Variants in SLC45A4 observed in about 807,000 individuals in gnomAD.
SLC45A4 encodes the protein polyamine-transporter SLC45A4.
In SLC45A4, 32 loss-of-function variants were observed where a neutral mutation model predicts 63.7. The observed-to-expected ratio is 0.50, with a 90% CI of 0.38 to 0.67. SLC45A4 has a LOEUF of 0.67. Among genes scored for constraint, SLC45A4 ranks in the 30% least tolerant of loss-of-function variants. The pLI is 0.00. For missense variants in SLC45A4, 1,027 were observed against 1,157.7 expected (o/e 0.89, Z 1.64); for synonymous variants, 535 against 510.0 (o/e 1.05, Z -0.66).
chr8:141,262,404 A>C (rs201529156), intron 1 of SLC45A4, among the ~76,000 whole-genome samples: 44,763 of 143,992 alleles, frequency 0.31, 6,581 homozygotes, highest in Admixed American at 0.39. Flanking sequence ...GCACAGCAAA[A>C]GAAACTACCA....
intron 3 of SLC45A4, 113 bp from the exon 4 acceptor site, chr8:141,219,942 T>C: frequency 3.9e-6 from 4 of 1,038,618 alleles, no homozygotes; most frequent in Non-Finnish European, 5.4e-6. Flanking sequence ...CACAAAACCA[T>C]GCCAGCCTTC....
intron 1 of SLC45A4, among the ~76,000 whole-genome samples, chr8:141,299,294 C>A (rs1046845587): frequency 4.6e-5 from 7 of 152,204 alleles, no homozygotes; most frequent in African/African-American, 1.7e-4. Flanking sequence ...AGAAAGCGGA[C>A]GGGGAGCCCC....
At chr8:141,275,150 G>A (rs1015996835) in intron 1 of SLC45A4, among the ~76,000 whole-genome samples, 7 of 152,170 alleles carry the variant, frequency 4.6e-5, no homozygotes, top group Admixed American at 2.0e-4. Context: ...CCATAACCTC[G>A]TGGTCCCCCA....
chr8:141,221,462 C>T (rs907396940), intron 3 of SLC45A4, 115 bp downstream of exon 3: 2 of 1,330,352 alleles, frequency 1.5e-6, no homozygotes, highest in East Asian at 2.4e-5. Flanking sequence ...CCCAGCCAGG[C>T]CCACAGAGGG....
At position 141,217,189 on chromosome 8, in the gene SLC45A4, C is replaced by A; in HGVS notation, c.1630G>T (p.Ala544Ser). 1 of 1,613,418 alleles carries A rather than the reference C, an allele frequency of 6.2e-7. No homozygotes were observed. The highest frequency in any genetic ancestry group is 8.5e-7 in the Non-Finnish European group (1 of 1,179,858). The stretch of plus-strand genomic sequence containing the variant: ...TGCCAGGCGGTCGAGTTCGAGGGGG[C>A]CTGTTCCGGAAATGAGACGGGGGCT... ...GQVIFEGDPK[A>S]PSNSTAWQAY... is the part of the protein sequence containing the mutation. Residue 544 changes from alanine (A) to serine (S), a missense_variant and splice_region_variant, in exon 6 of 9, where the codon GCC (alanine) becomes TCC (serine). Coordinates refer to ENST00000517878, the MANE Select transcript of SLC45A4 (RefSeq NM_001286646.2).
intron 1 of SLC45A4, among the ~76,000 whole-genome samples, chr8:141,271,051 C>T (rs1200830718): frequency 1.3e-5 from 2 of 152,260 alleles, no homozygotes; most frequent in African/African-American, 4.8e-5. Context: ...ACTATTCCCA[C>T]AAAGGCTCTG....
intron 2 of SLC45A4, among the ~76,000 whole-genome samples, chr8:141,235,783 TAAAC>T (rs1827596211): frequency 6.6e-6 from 1 of 152,120 alleles, no homozygotes; most frequent in African/African-American, 2.4e-5. Context: ...AAAAGTTAAA[TAAAC>T]AACTGGACTG....
chr8:141,211,462 C>T lies in SLC45A4; in HGVS notation c.*110G>A. On this transcript the variant is annotated 3_prime_UTR_variant, in exon 9 of 9. Coordinates refer to ENST00000517878, the MANE Select transcript of SLC45A4 (RefSeq NM_001286646.2). ...GCAAATCACTGTCTTCTGCCCAGGC[C>T]CCCCGGACCAGCCTCCTCCCAGCTT... 4 of 1,595,722 alleles carry T rather than the reference C, an allele frequency of 2.5e-6. No homozygotes were observed. The highest frequency in any genetic ancestry group is 3.4e-6 in the Non-Finnish European group (4 of 1,170,724).
chr8:141,258,060 CT>C (rs3072057), intron 1 of SLC45A4, among the ~76,000 whole-genome samples: 36,284 of 123,076 alleles, frequency 0.29, 5,210 homozygotes, highest in East Asian at 0.37. Flanking sequence ...TTTCTTCTTC[CT>C]TTTTTTTTTT....
At chr8:141,299,106 G>C (rs1388880663) in intron 1 of SLC45A4, among the ~76,000 whole-genome samples, 1 of 152,162 alleles carries the variant, frequency 6.6e-6, no homozygotes, top group Admixed American at 6.5e-5. Flanking sequence ...GGCGCTTACT[G>C]AGTGCTGGAG....
intron 1 of SLC45A4, among the ~76,000 whole-genome samples, chr8:141,303,443 GT>G (rs10715966): frequency 0.19 from 29,011 of 151,724 alleles, 3,292 homozygotes; most frequent in East Asian, 0.44. Context: ...CCCAGCCTGA[GT>G]GATTTCCTAA....
rs1050410275 is a variant in SLC45A4, at chr8:141,254,957, C to A, written c.-400-328G>T. 6.6e-6 allele frequency among the ~76,000 whole-genome samples: 1 copy of A among 152,098 alleles called. No homozygotes were observed. Among genetic ancestry groups the A allele is most frequent in the Non-Finnish European group, 1.5e-5 (1 of 68,040 alleles). ...ATCGTCCACCCTGTGTACCACAGCA[C>A]GTAACTATTCCAGCAGGCTGGAGGC... On this transcript the variant is annotated intron_variant, in intron 1 of 8. Transcript: ENST00000517878. This position sits in a 1 kb window ranked among gnomAD's most constrained non-coding sequence, Gnocchi z 4.5.
At position 141,210,748 on chromosome 8, in the gene SLC45A4, C is replaced by A. The variant is rs1020469412; in HGVS notation, c.*824G>T. The A allele has an allele frequency of 6.6e-6, 1 of 152,150 alleles. No homozygotes were observed. The highest frequency in any genetic ancestry group is 1.5e-5 in the Non-Finnish European group (1 of 68,016). 9.4% of individuals were successfully genotyped at this position (152,150 alleles called of 1,614,324 possible). ...ATTTCAAAGTACTTTATTTAAAAAA[C>A]AACTTGAGGCAGCAAAAGTATTAAT... On this transcript the variant is annotated 3_prime_UTR_variant, in exon 9 of 9. Transcript: ENST00000517878.
At chr8:141,287,183 A>G (rs1461618363) in intron 1 of SLC45A4, among the ~76,000 whole-genome samples, 1 of 152,158 alleles carries the variant, frequency 6.6e-6, no homozygotes, top group Non-Finnish European at 1.5e-5. Context: ...ATCATGAGAG[A>G]GAGGCCTTCA....
rs749736531 is a variant in SLC45A4, at chr8:141,207,422, G to A, written c.*4150C>T. 6.6e-6 allele frequency: 1 copy of A among 152,210 alleles called. No homozygotes were observed. Among genetic ancestry groups the A allele is most frequent in the Non-Finnish European group, 1.5e-5 (1 of 68,066 alleles). 9.4% of individuals were successfully genotyped at this position (152,210 alleles called of 1,614,324 possible). A position where few individuals can be genotyped will look rare whatever the true frequency, so the allele number is the denominator to read the frequency against. On this transcript the variant is annotated 3_prime_UTR_variant, in exon 9 of 9. Transcript: ENST00000517878. ...CAACTAATAGAAGAGAGTCATGAGC[G>A]ACACGACACTTCCTTACGACCTCTC...
At chr8:141,240,958 G>C (rs957549831) in intron 2 of SLC45A4, among the ~76,000 whole-genome samples, 1 of 152,220 alleles carries the variant, frequency 6.6e-6, no homozygotes, top group African/African-American at 2.4e-5. Flanking sequence ...ATCCATGGGA[G>C]GGGGAGTATC....
At chr8:141,295,188 G>T (rs1042821444) in intron 1 of SLC45A4, among the ~76,000 whole-genome samples, 34 of 152,230 alleles carry the variant, frequency 2.2e-4, no homozygotes, top group African/African-American at 8.2e-4. Flanking sequence ...AGCCAGGGAA[G>T]GCAGCCCCTG....
chr8:141,214,754 C>T (rs148248925), intron 7 of SLC45A4, among the ~76,000 whole-genome samples: 38 of 152,236 alleles, frequency 2.5e-4, no homozygotes, highest in African/African-American at 7.0e-4. Flanking sequence ...GAGAAGAGAG[C>T]GGAAACACAT....
At chr8:141,238,369 G>A (rs1827734332) in intron 2 of SLC45A4, among the ~76,000 whole-genome samples, 1 of 152,088 alleles carries the variant, frequency 6.6e-6, no homozygotes, top group South Asian at 2.1e-4. Flanking sequence ...GCACAGCTCA[G>A]GGGCGGTGAG....
Sources: allele counts gnomAD v4.1 joint callset (sites outside exome capture counted in the v4.1 genomes callset), GRCh38; gene constraint gnomAD v4.1.1; non-coding constraint Gnocchi (gnomAD v3.1); transcripts MANE v1.5; gene names NCBI Gene and HGNC (gene_info 2026-07-23, HGNC 2026-07-21).